HNRNPR: variants seen among roughly 807,000 people sequenced by gnomAD.
The protein encoded by HNRNPR is heterogeneous nuclear ribonucleoprotein R.
A neutral mutation model predicts 70.3 loss-of-function variants in HNRNPR; 4 were observed. The ratio of observed to expected loss-of-function variants is 0.06; its 90% CI spans 0.03 to 0.13. HNRNPR has a LOEUF of 0.13. HNRNPR is among the 10% of genes least tolerant of loss of function. The pLI is 1.00. For synonymous variants in HNRNPR, 241 were observed against 267.6 expected, an observed-to-expected ratio of 0.90 and a Z score of 0.97; for missense variants, 423 against 788.5, an observed-to-expected ratio of 0.54 and a Z score of 5.55.
chr1:23,316,586 T>A (rs1322386747), intron 8 of HNRNPR, among the ~76,000 whole-genome samples: 1 of 152,164 alleles, frequency 6.6e-6, no homozygotes, highest in African/African-American at 2.4e-5. Flanking sequence ...TCCTCTATTA[T>A]AATACATCTA....
chr1:23,307,765 G>A lies in HNRNPR; in HGVS notation c.*2689C>T, dbSNP rs1436524535. On this transcript the variant is annotated 3_prime_UTR_variant, in exon 11 of 11. Coordinates refer to ENST00000302271, the MANE Select transcript of HNRNPR (RefSeq NM_005826.5). ...CTCACCAGGGTACCTACAAAGAATA[G>A]CTCTATACCTCAATATATTTCCCAA... is the stretch of plus-strand genomic sequence containing the variant. The A allele has an allele frequency of 1.3e-5, 2 of 151,934 alleles. No homozygotes were observed. The highest frequency in any genetic ancestry group is 2.9e-5 in the Non-Finnish European group (2 of 67,906). 9.4% of individuals were successfully genotyped at this position (151,934 alleles called of 1,614,324 possible).
chr1:23,333,922 C>CT lies in HNRNPR; in HGVS notation c.385-292dup, dbSNP rs1053642982. On this transcript the variant is annotated intron_variant, in intron 4 of 10. Coordinates refer to ENST00000302271, the MANE Select transcript of HNRNPR (RefSeq NM_005826.5). ...CCATTTCTCCCTACTGTCTTTTCTT[C>CT]TTTTTTTTTGAGATGGAGTCTTGCT... Among the ~76,000 whole-genome samples the CT allele has an allele frequency of 2.8e-3, 430 of 151,358 alleles. 3 individuals carry two copies. The highest frequency in any genetic ancestry group is 0.01 in the African/African-American group (414 of 41,312).
intron 7 of HNRNPR, among the ~76,000 whole-genome samples, chr1:23,319,782 C>A (rs1426154592): frequency 6.6e-6 from 1 of 152,214 alleles, no homozygotes; most frequent in Non-Finnish European, 1.5e-5. Flanking sequence ...TTTAATAATA[C>A]TGGCCTCCTC....
In HNRNPR at chr1:23,308,899, A is replaced by G. The variant is rs1301666494; in HGVS notation, c.*1555T>C. On this transcript the variant is annotated 3_prime_UTR_variant, in exon 11 of 11. Transcript: ENST00000302271. The stretch of plus-strand genomic sequence containing the variant: ...GTGTATCCATTTTAATTATTCCCCA[A>G]TGGCTTCTGATATTTTTATCATTAT... 1.3e-5 allele frequency: 2 copies of G among 152,176 alleles called. No homozygotes were observed. Among genetic ancestry groups the G allele is most frequent in the Middle Eastern group, 3.4e-3 (1 of 294 alleles). 9.4% of individuals were successfully genotyped at this position (152,176 alleles called of 1,614,324 possible).
chr1:23,341,120 T>C (rs1646689857), intron 1 of HNRNPR, 103 bp from the exon 2 acceptor site: 1 of 784,392 alleles, frequency 1.3e-6, no homozygotes, highest in Non-Finnish European at 2.0e-6. Context: ...ATGCTGCTAA[T>C]AACCTCTATC....
chr1:23,336,571 CAAAAAAAAAA>C (rs869203047), intron 4 of HNRNPR, among the ~76,000 whole-genome samples: 2 of 41,180 alleles, frequency 4.9e-5, no homozygotes, highest in African/African-American at 1.9e-4. Context: ...GACTCCGTCT[CAAAAAAAAAA>C]AAAAAAAAAA....
At chr1:23,334,176 A>G (rs1031317296) in intron 4 of HNRNPR, among the ~76,000 whole-genome samples, 1 of 150,652 alleles carries the variant, frequency 6.6e-6, no homozygotes, top group African/African-American at 2.4e-5. Context: ...GGCCTCCCAA[A>G]GTGCTAGGAG....
At position 23,321,641 on chromosome 1, in the gene HNRNPR, G is replaced by A; in HGVS notation, c.698C>T (p.Pro233Leu). 1 of 1,608,362 alleles carries A rather than the reference G, an allele frequency of 6.2e-7. No individual in the cohort carries two copies. The highest frequency in any genetic ancestry group is 8.5e-7 in the Non-Finnish European group (1 of 1,176,754). ...AATGCACACTCCAAGGTGTTTACCA[G>A]GGCGAATTTCATAGCTGTCACACTG... ...VKLCDSYEIRPGKHLGVCISV... is the reference protein window; with the variant it reads ...VKLCDSYEIRLGKHLGVCISV... Residue 233 changes from proline (P) to leucine (L), a missense_variant, in exon 7 of 11, where the codon CCT (proline) becomes CTT (leucine). Coordinates refer to ENST00000302271, the MANE Select transcript of HNRNPR (RefSeq NM_005826.5).
chr1:23,318,367 A>T lies in HNRNPR; in HGVS notation c.1017+116T>A. 1 of 839,758 alleles carries T rather than the reference A, an allele frequency of 1.2e-6. No homozygotes were observed. Among genetic ancestry groups the T allele is most frequent in the Non-Finnish European group, 1.9e-6 (1 of 534,626 alleles). 52.0% of individuals were successfully genotyped at this position (839,758 alleles called of 1,614,324 possible). On this transcript the variant is annotated intron_variant, in intron 8 of 10. Transcript: ENST00000302271. The surrounding 1 kb of genome is among the most constrained non-coding windows in gnomAD (Gnocchi z 4.2). Reference sequence around the variant, plus strand: ...GTGTTAAAGCCGCTCCTTGCCAAACAGTTGAAGTCTAAAGCTACAATTTCT... The same window carrying T: ...GTGTTAAAGCCGCTCCTTGCCAAACTGTTGAAGTCTAAAGCTACAATTTCT...
intron 5 of HNRNPR, among the ~76,000 whole-genome samples, chr1:23,332,523 T>C (rs1356494751): frequency 6.7e-6 from 1 of 148,662 alleles, no homozygotes; most frequent in Non-Finnish European, 1.5e-5. Flanking sequence ...ACCAACATGG[T>C]GAAATCCTCT....
chr1:23,342,418 T>C (rs1646737578), intron 1 of HNRNPR, among the ~76,000 whole-genome samples: 1 of 152,162 alleles, frequency 6.6e-6, no homozygotes, highest in Admixed American at 6.5e-5. Context: ...CAAAACACTA[T>C]TAAGACTCGA....
intron 5 of HNRNPR, among the ~76,000 whole-genome samples, chr1:23,326,796 A>G (rs1425259073): frequency 6.6e-6 from 1 of 152,164 alleles, no homozygotes; most frequent in Non-Finnish European, 1.5e-5. Flanking sequence ...GAAGAAAAAT[A>G]AAAGTATTTT....
In HNRNPR at chr1:23,310,609, A is replaced by G; in HGVS notation, c.1747T>C (p.Ser583Pro). The G allele has an allele frequency of 6.2e-7, 1 of 1,614,088 alleles. No individual in the cohort carries two copies. The highest frequency in any genetic ancestry group is 8.5e-7 in the Non-Finnish European group (1 of 1,180,000). ...RKADGYNQPD[S>P]KRRQTNNQQN... Reference sequence around the variant, plus strand: ...TGGTTGTTGGTCTGACGACGCTTGGAATCAGGCTGGTTGTACCCATCTGCC... The same window carrying G: ...TGGTTGTTGGTCTGACGACGCTTGGGATCAGGCTGGTTGTACCCATCTGCC... The change falls in exon 11 of 11, where the codon TCC becomes CCC. Residue 583 changes from serine (S) to proline (P), a missense_variant. Physicochemically the swap from Ser to Pro is moderately conservative, Grantham distance 74. Around this residue, in one of 7 missense-constraint regions of HNRNPR, gnomAD observed 7 missense variants for 27.8 expected, o/e 0.25. Coordinates refer to ENST00000302271, the MANE Select transcript of HNRNPR (RefSeq NM_005826.5). This position sits in a 1 kb window ranked among gnomAD's most constrained non-coding sequence, Gnocchi z 6.0.
At position 23,307,159 on chromosome 1, in the gene HNRNPR, T is replaced by C. The variant is rs1160415707; in HGVS notation, c.*3295A>G. On this transcript the variant is annotated 3_prime_UTR_variant, in exon 11 of 11. Transcript: ENST00000302271. ...GTTTTAACATATTTAGAAGCCTTGA[T>C]AATTGACAAGCAATAGCCTTATAGC... 2.0e-5 allele frequency: 3 copies of C among 152,144 alleles called. No individual in the cohort carries two copies. The highest frequency in any genetic ancestry group is 2.0e-4 in the Admixed American group (3 of 15,272). The allele number at this position is 152,144 out of a possible 1,614,324, so 9.4% of individuals were successfully genotyped here.
chr1:23,342,950 A>C (rs1646759854), intron 1 of HNRNPR, among the ~76,000 whole-genome samples: 1 of 152,230 alleles, frequency 6.6e-6, no homozygotes, highest in Non-Finnish European at 1.5e-5. Flanking sequence ...AAAGTTTGTA[A>C]ATTTTAACAA....
chr1:23,335,812 A>G (rs1646450524), intron 4 of HNRNPR, among the ~76,000 whole-genome samples: 1 of 152,140 alleles, frequency 6.6e-6, no homozygotes, highest in African/African-American at 2.4e-5. Flanking sequence ...TACAATAACT[A>G]TTTCTAATTA....
rs1645843879 is a variant in HNRNPR, at chr1:23,323,663, G to A, written c.568C>T (p.Pro190Ser). 1.2e-6 allele frequency: 2 copies of A among 1,613,870 alleles called. No individual in the cohort carries two copies. Among genetic ancestry groups the A allele is most frequent in the Admixed American group, 1.7e-5 (1 of 60,000 alleles). The change falls in exon 6 of 11, where the codon CCC (proline) becomes TCC (serine). Residue 190 changes from proline (P) to serine (S), a missense_variant. This residue lies in a region of HNRNPR where 118 missense variants were observed against 239.3 expected (regional missense o/e 0.49). Transcript: ENST00000302271. ...ELVPLFEKAG[P>S]IWDLRLMMDP... ...ATCATAAGACGTAGATCCCAAATGG[G>A]TCCGGCCTTCTCAAAAAGGGGCACC...
At chr1:23,337,645 A>C (rs1570115350) in intron 4 of HNRNPR, 109 bp downstream of exon 4, 5 of 705,372 alleles carry the variant, frequency 7.1e-6, no homozygotes, top group Non-Finnish European at 1.2e-5. Flanking sequence ...ACAGAGCAAG[A>C]CTCCGTCTCA....
At chr1:23,328,283 G>C (rs961584595) in intron 5 of HNRNPR, among the ~76,000 whole-genome samples, 3 of 152,174 alleles carry the variant, frequency 2.0e-5, no homozygotes, top group African/African-American at 7.2e-5. Context: ...TGTTCTAAAA[G>C]GTACATTTCA....
Sources: allele counts gnomAD v4.1 joint callset (sites outside exome capture counted in the v4.1 genomes callset), GRCh38; gene constraint gnomAD v4.1.1; regional missense constraint gnomAD v4.1.1; non-coding constraint Gnocchi (gnomAD v3.1); transcripts MANE v1.5; gene names NCBI Gene and HGNC (gene_info 2026-07-23, HGNC 2026-07-21).